The following NELL1 variants were observed in gnomAD, a reference collection of about 807,000 sequenced individuals.
NELL1 encodes the protein neural EGFL like 1.
NELL1 carries 76 observed loss-of-function variants against 107.4 expected under a neutral mutation model. That is an observed-to-expected ratio of 0.71 (90% CI 0.59 to 0.86). The LOEUF is 0.86. NELL1 is among the 40% of genes least tolerant of loss of function. The pLI, the probability that NELL1 is intolerant of heterozygous loss-of-function variation, is 0.00. For synonymous variants in NELL1, 353 were observed against 341.2 expected (o/e 1.03, Z -0.38); for missense variants, 1,024 against 1,005.5 (o/e 1.02, Z -0.25).
At chr11:21,179,341 C>T (rs1465037745) in intron 13 of NELL1, among the ~76,000 whole-genome samples, 1 of 151,778 alleles carries the variant, frequency 6.6e-6, no homozygotes, top group East Asian at 1.9e-4. Context: ...TGATTATGTA[C>T]TAGTTAGTTA....
At chr11:20,672,112 A>C (rs539367958) in intron 1 of NELL1, among the ~76,000 whole-genome samples, 1 of 152,312 alleles carries the variant, frequency 6.6e-6, no homozygotes, top group South Asian at 2.1e-4. Flanking sequence ...CGGGGGAATT[A>C]CCTCTCAATT....
At chr11:21,169,713 C>T (rs1856561021) in intron 13 of NELL1, 1 of 719,790 alleles carries the variant, frequency 1.4e-6, no homozygotes, top group Non-Finnish European at 2.2e-6. Context: ...CCTTGGTCAT[C>T]TTTTGGCACA....
intron 15 of NELL1, among the ~76,000 whole-genome samples, chr11:21,426,841 GGT>G (rs1342628189): frequency 1.3e-5 from 2 of 152,130 alleles, no homozygotes; most frequent in Non-Finnish European, 2.9e-5. Context: ...CTGGAAGAGG[GGT>G]GTCAGAAGAT....
chr11:20,897,880 A>G (rs1849782783), intron 5 of NELL1, among the ~76,000 whole-genome samples: 1 of 152,180 alleles, frequency 6.6e-6, no homozygotes, highest in African/African-American at 2.4e-5. Flanking sequence ...ACCATCTCAC[A>G]CCAGTTAGTA....
At chr11:21,111,937 T>G (rs1349883429) in intron 12 of NELL1, among the ~76,000 whole-genome samples, 2 of 152,098 alleles carry the variant, frequency 1.3e-5, no homozygotes, top group Non-Finnish European at 2.9e-5. Context: ...ACCAAAGACC[T>G]TATAAGCAAC....
chr11:20,859,144 C>T (rs751642862), intron 4 of NELL1, among the ~76,000 whole-genome samples: 3 of 152,206 alleles, frequency 2.0e-5, no homozygotes, highest in Non-Finnish European at 2.9e-5. Context: ...GTTGGATCTG[C>T]ACCACCCTTC....
intron 15 of NELL1, among the ~76,000 whole-genome samples, chr11:21,405,677 A>C (rs1852218047): frequency 6.6e-6 from 1 of 151,922 alleles, no homozygotes; most frequent in Non-Finnish European, 1.5e-5. Flanking sequence ...ATCCTTTCCA[A>C]ACTCTAGCTC....
At chr11:21,390,859 T>C (rs1230987540) in intron 15 of NELL1, among the ~76,000 whole-genome samples, 1 of 151,832 alleles carries the variant, frequency 6.6e-6, no homozygotes, top group Non-Finnish European at 1.5e-5. Flanking sequence ...TTCCAGAACA[T>C]TCTGCCCACT....
intron 2 of NELL1, among the ~76,000 whole-genome samples, chr11:20,695,939 T>G (rs1002608976): frequency 6.6e-6 from 1 of 152,042 alleles, no homozygotes; most frequent in African/African-American, 2.4e-5. Context: ...TTTTTAAAAT[T>G]ACTTATTCAA....
chr11:20,805,792 G>A (rs530593078), intron 3 of NELL1, among the ~76,000 whole-genome samples: 4 of 152,320 alleles, frequency 2.6e-5, no homozygotes, highest in South Asian at 2.1e-4. Context: ...GTGAGCCACC[G>A]TGCCTGGCCA....
chr11:21,536,640 C>A (rs1856146789), intron 16 of NELL1, among the ~76,000 whole-genome samples: 1 of 152,096 alleles, frequency 6.6e-6, no homozygotes, highest in Non-Finnish European at 1.5e-5. Context: ...TCTTCTGTTT[C>A]TTCAGTGAGG....
chr11:20,862,628 T>TTTA (rs869055167), intron 4 of NELL1, among the ~76,000 whole-genome samples: 218 of 138,726 alleles, frequency 1.6e-3, no homozygotes, highest in African/African-American at 5.4e-3. Context: ...TTTTTTTTTT[T>TTTA]ATTGATCATT....
chr11:21,361,916 T>C (rs1297071681), intron 14 of NELL1, among the ~76,000 whole-genome samples: 1 of 152,186 alleles, frequency 6.6e-6, no homozygotes, highest in African/African-American at 2.4e-5. Context: ...TTTCTTTAAG[T>C]TGGTTTTCAC....
Position 20,740,031 on chromosome 11 carries a change from G to T in NELL1, c.185-43649G>T, listed in dbSNP as rs192268438. Among the ~76,000 whole-genome samples, 455 of 152,282 alleles carry T rather than the reference G, an allele frequency of 3.0e-3. 3 individuals carry two copies. Among genetic ancestry groups the T allele is most frequent in the African/African-American group, 0.011 (438 of 41,560 alleles). ...TGCCACATACTATTCTTGTGCCTAA[G>T]TTATAGCAGTAACAAATAATCTCTG... On this transcript the variant is annotated intron_variant, in intron 2 of 19. Coordinates refer to ENST00000357134, the MANE Select transcript of NELL1 (RefSeq NM_006157.5).
At chr11:20,742,782 AT>A (rs1346417542) in intron 2 of NELL1, among the ~76,000 whole-genome samples, 1 of 152,098 alleles carries the variant, frequency 6.6e-6, no homozygotes, top group Non-Finnish European at 1.5e-5. Context: ...ACAATTCAAG[AT>A]GAGATTTGAG....
chr11:21,289,663 C>T (rs1565150471), intron 14 of NELL1, among the ~76,000 whole-genome samples: 1 of 152,102 alleles, frequency 6.6e-6, no homozygotes, highest in African/African-American at 2.4e-5. Flanking sequence ...CAAGACAGAA[C>T]CATTCACTCT....
intron 3 of NELL1, 26 bp downstream of exon 3, chr11:20,783,856 A>C: frequency 6.3e-7 from 1 of 1,594,574 alleles, no homozygotes; most frequent in Non-Finnish European, 8.5e-7. Context: ...CTGCTTTTGA[A>C]AATCTCCTTA....
chr11:21,572,960 C>T (rs1024556212), intron 18 of NELL1, among the ~76,000 whole-genome samples: 3 of 151,830 alleles, frequency 2.0e-5, no homozygotes, highest in African/African-American at 7.2e-5. Flanking sequence ...AAGAAGCTCA[C>T]CTAGCTCTTT....
intron 12 of NELL1, among the ~76,000 whole-genome samples, chr11:21,046,119 T>C (rs1853347386): frequency 6.6e-6 from 1 of 152,194 alleles, no homozygotes; most frequent in African/African-American, 2.4e-5. Flanking sequence ...TCTAAGGCAG[T>C]GTTTTTAAGT....
Sources: allele counts gnomAD v4.1 joint callset (sites outside exome capture counted in the v4.1 genomes callset), GRCh38; gene constraint gnomAD v4.1.1; transcripts MANE v1.5; gene names NCBI Gene and HGNC (gene_info 2026-07-23, HGNC 2026-07-21).